Variants in MYO15A observed in about 807,000 individuals in gnomAD.
MYO15A encodes the protein myosin XVA.
A neutral mutation model predicts 394.6 loss-of-function variants in MYO15A; 308 were observed. The observed-to-expected ratio is 0.78, with a 90% CI of 0.71 to 0.86. MYO15A has a LOEUF of 0.86. Ranked by LOEUF, MYO15A falls within the 40% of genes least tolerant of loss-of-function variation. The pLI, the probability that MYO15A is intolerant of heterozygous loss-of-function variation, is 0.00. For synonymous variants in MYO15A, 1,957 were observed against 2,003.8 expected, an observed-to-expected ratio of 0.98 and a Z score of 0.62; for missense variants, 4,606 against 4,799.1, an observed-to-expected ratio of 0.96 and a Z score of 1.19.
In MYO15A at chr17:18,117,971, T is replaced by G. The variant is rs1165055664; in HGVS notation, c.-219-611T>G. On this transcript the variant is annotated intron_variant, in intron 1 of 65. Coordinates refer to ENST00000647165, the MANE Select transcript of MYO15A (RefSeq NM_016239.4). The surrounding 1 kb of genome is among the most constrained non-coding windows in gnomAD (Gnocchi z 4.1). ...TGAGGCCCAGAGAGGACAAGGACTTTCCTGGACCCACACAGCCAGTCAGTG... is the reference window on the plus strand; with the variant it reads ...TGAGGCCCAGAGAGGACAAGGACTTGCCTGGACCCACACAGCCAGTCAGTG... 6.6e-6 allele frequency among the ~76,000 whole-genome samples: 1 copy of G among 152,108 alleles called. No individual in the cohort carries two copies. The highest frequency in any genetic ancestry group is 1.5e-5 in the Non-Finnish European group (1 of 68,018).
chr17:18,171,600 G>C (rs745483394), intron 62 of MYO15A, 38 bp from the exon 63 acceptor site: 16 of 1,613,526 alleles, frequency 9.9e-6, no homozygotes, highest in Admixed American at 1.7e-5. Flanking sequence ...GAGCCTGGGA[G>C]CTCACTCAGG....
chr17:18,156,853 C>A, intron 48 of MYO15A, 101 bp from the exon 49 acceptor site: 1 of 1,058,840 alleles, frequency 9.4e-7, no homozygotes, highest in African/African-American at 1.6e-5. Flanking sequence ...AGGCTCCCTT[C>A]CCTGATGAGT....
chr17:18,159,490 AG>A, intron 54 of MYO15A, 115 bp from the exon 55 acceptor site: 1 of 1,476,444 alleles, frequency 6.8e-7, no homozygotes, highest in South Asian at 1.1e-5. Context: ...AGAGAATAGA[AG>A]CTCCCAGCTG....
chr17:18,148,245 G>A lies in MYO15A; in HGVS notation c.6691+35G>A, dbSNP rs370646997. The A allele has an allele frequency of 1.5e-5, 24 of 1,611,932 alleles. No individual in the cohort carries two copies. The South Asian group carries it at 2.3e-4, about 16-fold the overall frequency. On this transcript the variant is annotated intron_variant, in intron 31 of 65. Coordinates refer to ENST00000647165, the MANE Select transcript of MYO15A (RefSeq NM_016239.4). The surrounding 1 kb of genome is among the most constrained non-coding windows in gnomAD (Gnocchi z 4.8). ...CTTCCCCCACCTCAGTGAGGGCAGT[G>A]GGAGTCAGCAGGGCCCAGTGAGCCC... is the stretch of plus-strand genomic sequence containing the variant.
intron 19 of MYO15A, 84 bp downstream of exon 19, chr17:18,139,695 G>A (rs1309275227): frequency 2.2e-5 from 33 of 1,473,358 alleles, no homozygotes; most frequent in South Asian, 3.5e-5. Context: ...GCCTGGGACC[G>A]TGTTGCCACG....
chr17:18,179,029 A>C lies in MYO15A; in HGVS notation c.*159A>C. ...GAGCAACTCAAATCCCCAAGAACAC[A>C]AGAAGACCCATCCTGAACTGGGATG... On this transcript the variant is annotated 3_prime_UTR_variant, in exon 66 of 66. Transcript: ENST00000647165. 1.4e-6 allele frequency: 1 copy of C among 721,320 alleles called. No homozygotes were observed. The highest frequency in any genetic ancestry group is 2.4e-6 in the Non-Finnish European group (1 of 415,420). 44.7% of individuals were successfully genotyped at this position (721,320 alleles called of 1,614,324 possible).
In MYO15A at chr17:18,158,627, G is replaced by A. The variant is rs371857911; in HGVS notation, c.9072G>A (p.Gln3024=). The A allele has an allele frequency of 1.8e-4, 295 of 1,614,032 alleles. No homozygotes were observed. The highest frequency in any genetic ancestry group is 2.5e-4 in the Admixed American group (15 of 60,000). Reference sequence around the variant, plus strand: ...CCCAGAAGTATTTCCGAGACCCTCAGAGGAGACCCCAGTGAGTGGCGGCCC... The same window carrying A: ...CCCAGAAGTATTTCCGAGACCCTCAAAGGAGACCCCAGTGAGTGGCGGCCC... ...EFAQKYFRDP[Q]RRPQDGLRLK... Residue 3024 remains glutamine, a synonymous_variant, in exon 52 of 66, where the codon CAG becomes CAA. Coordinates refer to ENST00000647165, the MANE Select transcript of MYO15A (RefSeq NM_016239.4).
chr17:18,121,017 A>G lies in MYO15A; in HGVS notation c.2217A>G (p.Pro739=), dbSNP rs1388007814. The change falls in exon 2 of 66, where the codon CCA becomes CCG. Residue 739 remains proline, a synonymous_variant. Transcript: ENST00000647165. This position sits in a 1 kb window ranked among gnomAD's most constrained non-coding sequence, Gnocchi z 5.3. ...TGCCCCCCGACCTACTAGCCTTCCC[A>G]GGGCCCCGACCCTCGTTCAGGGGCT... ...PEVPPDLLAF[P]GPRPSFRGSR... The G allele has an allele frequency of 2.0e-6, 3 of 1,508,516 alleles. No individual in the cohort carries two copies. The highest frequency in any genetic ancestry group is 2.9e-5 in the African/African-American group (2 of 69,262). The allele number at this position is 1,508,516 out of a possible 1,614,324, so 93.4% of individuals were successfully genotyped here.
intron 1 of MYO15A, among the ~76,000 whole-genome samples, chr17:18,111,843 G>A (rs2045726139): frequency 6.6e-6 from 1 of 151,680 alleles, no homozygotes; most frequent in African/African-American, 2.4e-5. Context: ...CCCTGGTAAG[G>A]GAGGCATCTA....
rs766544188 is a variant in MYO15A at position 18,155,146 on chromosome 17, C to A, written c.8261C>A (p.Thr2754Lys). ...CTGGACACACAGAAGCCTCTGGTAA[C>A]GGAAAGCGTGAAGCGGGCCGTGGTC... ...NQLDTQKPLV[T>K]ESVKRAVVST... is the part of the protein sequence containing the mutation. The change falls in exon 46 of 66, where the codon ACG (threonine) becomes AAG (lysine). Residue 2754 changes from threonine (T) to lysine (K), a missense_variant. Physicochemically the swap from Thr to Lys is moderately conservative, Grantham distance 78 (BLOSUM62 -1). Transcript: ENST00000647165. 17 of 1,613,956 alleles carry A rather than the reference C, an allele frequency of 1.1e-5. No homozygotes were observed. The South Asian group carries it at 1.9e-4, about 18-fold the overall frequency.
At chr17:18,112,212 G>C (rs1049737957) in intron 1 of MYO15A, among the ~76,000 whole-genome samples, 2 of 147,046 alleles carry the variant, frequency 1.4e-5, no homozygotes, top group East Asian at 4.1e-4. Flanking sequence ...CTTCTCCCCA[G>C]CAAGTCTCTG....
rs16960959 is a variant in MYO15A, at chr17:18,150,908, G to A, written c.7468G>A (p.Ala2490Thr). Residue 2490 changes from alanine to threonine, a missense_variant, in exon 38 of 66, where the codon GCA becomes ACA. By Grantham distance (58) the Ala-to-Thr change is moderately conservative. Transcript: ENST00000647165. The surrounding 1 kb of genome is among the most constrained non-coding windows in gnomAD (Gnocchi z 4.4). ...PLSAALRSLP[A>T]EKPPAPEAQP... is the part of the protein sequence containing the mutation. ...GAGTGCTGCCCTGAGATCCTTGCCC[G>A]CAGAGGTGAGCCTGGCCTGCCCAGG... 6.6e-3 allele frequency: 10,641 copies of A among 1,601,094 alleles called. 605 individuals are homozygous for A. In the African/African-American group the frequency reaches 0.12, roughly 18 times the overall value.
Position 18,155,125 on chromosome 17 carries a change from A to T in MYO15A, c.8240A>T (p.Asp2747Val), listed in dbSNP as rs1316087604. Residue 2747 changes from aspartate to valine, a missense_variant, in exon 46 of 66, where the codon GAC (aspartate) becomes GTC (valine). Physicochemically the swap from Asp to Val is radical, Grantham distance 152. Coordinates refer to ENST00000647165, the MANE Select transcript of MYO15A (RefSeq NM_016239.4). Reference protein sequence around the residue: ...MKALFAQNQLDTQKPLVTESV... With the variant: ...MKALFAQNQLVTQKPLVTESV... ...CCTCCCATAGCCCAGAACCAGCTGG[A>T]CACACAGAAGCCTCTGGTAACGGAA... The T allele has an allele frequency of 1.2e-6, 2 of 1,613,712 alleles. No homozygotes were observed. Among genetic ancestry groups the T allele is most frequent in the Non-Finnish European group, 1.7e-6 (2 of 1,179,928 alleles).
rs1316343660 is a variant in MYO15A at position 18,148,213 on chromosome 17, A to G, written c.6691+3A>G. Reference sequence around the variant, plus strand: ...GCTGGACGTGGGCTGCTTCAATGGTAAGCTGCCTTCCCCCACCTCAGTGAG... The same window carrying G: ...GCTGGACGTGGGCTGCTTCAATGGTGAGCTGCCTTCCCCCACCTCAGTGAG... On this transcript the variant is annotated splice_donor_region_variant and intron_variant, in intron 31 of 65. Transcript: ENST00000647165. This position sits in a 1 kb window ranked among gnomAD's most constrained non-coding sequence, Gnocchi z 4.8. The G allele has an allele frequency of 2.5e-6, 4 of 1,613,510 alleles. No individual in the cohort carries two copies. The South Asian group carries it at 4.4e-5, about 18-fold the overall frequency.
chr17:18,132,829 T>TC lies in MYO15A; in HGVS notation c.4320+267dup. ...CCAACCAGTCTAGAGTTTCTACACT[T>TC]CCCCTCTCTGTGCCTCAGTTTCCTC... On this transcript the variant is annotated intron_variant, in intron 11 of 65. Coordinates refer to ENST00000647165, the MANE Select transcript of MYO15A (RefSeq NM_016239.4). This position sits in a 1 kb window ranked among gnomAD's most constrained non-coding sequence, Gnocchi z 4.6. Among the ~76,000 whole-genome samples, 1 of 152,298 alleles carries TC rather than the reference T, an allele frequency of 6.6e-6. No individual in the cohort carries two copies. The highest frequency in any genetic ancestry group is 2.1e-4 in the South Asian group (1 of 4,818).
At position 18,120,458 on chromosome 17, in the gene MYO15A, G is replaced by C. The variant is rs768979777; in HGVS notation, c.1658G>C (p.Arg553Pro). The change falls in exon 2 of 66, where the codon CGG (arginine) becomes CCG (proline). Residue 553 changes from arginine to proline, a missense_variant. This residue lies in a region of MYO15A where 1,830 missense variants were observed against 1,689.7 expected (regional missense o/e 1.08). Transcript: ENST00000647165. ...QRALSAFGAH[R>P]GLGFGPEFGR... ...GCGCTGTCGGCCTTCGGCGCCCACC[G>C]GGGCCTGGGCTTCGGCCCTGAGTTT... The C allele has an allele frequency of 1.5e-5, 23 of 1,576,264 alleles. No homozygotes were observed. The highest frequency in any genetic ancestry group is 2.3e-5 in the South Asian group (2 of 88,500).
At chr17:18,171,857 T>G in intron 63 of MYO15A, 86 bp downstream of exon 63, 1 of 1,522,028 alleles carries the variant, frequency 6.6e-7, no homozygotes, top group African/African-American at 1.4e-5. Context: ...GGCACCTCTT[T>G]CTTTGCACAA....
rs1369228093 is a variant in MYO15A, at chr17:18,120,198, C to G, written c.1398C>G (p.Pro466=). ...AFFEQQGMDK[P]ARSKLSLIRK... is the part of the protein sequence containing the mutation. ...TCGAGCAGCAAGGCATGGATAAGCC[C>G]GCCAGGTCCAAGCTGTCCCTCATCC... The change falls in exon 2 of 66, where the codon CCC becomes CCG. Residue 466 remains proline (P), a synonymous_variant. Transcript: ENST00000647165. The G allele has an allele frequency of 5.0e-6, 8 of 1,612,898 alleles. No individual in the cohort carries two copies. In the South Asian group the frequency reaches 6.6e-5, roughly 13 times the overall value.
chr17:18,149,319 A>G lies in MYO15A; in HGVS notation c.7060A>G (p.Asn2354Asp), dbSNP rs773075872. ...TGACTCTGATGGGTACAGCAGCCAC[A>G]ATCAGGACGGTACAAATGGGGAGAC... ...VLDSDGYSSH[N>D]QDGTNGETEA... The change falls in exon 34 of 66, where the codon AAT (asparagine) becomes GAT (aspartate). Residue 2354 changes from asparagine (N) to aspartate (D), a missense_variant. Physicochemically the swap from Asn to Asp is conservative, Grantham distance 23. Transcript: ENST00000647165. The G allele has an allele frequency of 1.2e-6, 2 of 1,612,982 alleles. No individual in the cohort carries two copies. The highest frequency in any genetic ancestry group is 1.7e-6 in the Non-Finnish European group (2 of 1,179,382).
Sources: allele counts gnomAD v4.1 joint callset (sites outside exome capture counted in the v4.1 genomes callset), GRCh38; gene constraint gnomAD v4.1.1; regional missense constraint gnomAD v4.1.1; non-coding constraint Gnocchi (gnomAD v3.1); transcripts MANE v1.5; gene names NCBI Gene and HGNC (gene_info 2026-07-23, HGNC 2026-07-21).